ITGB5: variants seen among roughly 807,000 people sequenced by gnomAD.
ITGB5 encodes the protein integrin beta-5.
Under a neutral mutation model 84.8 loss-of-function variants are expected in ITGB5, and 38 were observed. The observed-to-expected ratio is 0.45, with a 90% CI of 0.35 to 0.59. The LOEUF is 0.59. ITGB5 is among the 20% of genes least tolerant of loss of function. The pLI is 0.01. For synonymous variants in ITGB5, 393 were observed against 414.4 expected (o/e 0.95, Z 0.63); for missense variants, 905 against 1,034.5 (o/e 0.87, Z 1.72).
At chr3:124,774,008 G>C in intron 10 of ITGB5, 96 bp from the exon 11 acceptor site, 1 of 1,138,366 alleles carries the variant, frequency 8.8e-7, no homozygotes, top group Admixed American at 2.0e-5. Context: ...GGATTCAGCA[G>C]AGAATGGAAC....
chr3:124,838,869 A>G (rs766111593), intron 5 of ITGB5, among the ~76,000 whole-genome samples: 1 of 152,180 alleles, frequency 6.6e-6, no homozygotes, highest in Non-Finnish European at 1.5e-5. Flanking sequence ...TCAAAGTGCT[A>G]GGATTACAGG....
rs1180560510 is a variant in ITGB5, at chr3:124,859,436, C to T, written c.167G>A (p.Ser56Asn). 3 of 1,613,728 alleles carry T rather than the reference C, an allele frequency of 1.9e-6. No homozygotes were observed. In the South Asian group the frequency reaches 3.3e-5, roughly 18 times the overall value. The change falls in exon 3 of 15, where the codon AGC becomes AAC. Residue 56 changes from serine to asparagine, a missense_variant. Around this residue, in one of 3 missense-constraint regions of ITGB5, gnomAD observed 656 missense variants for 734.7 expected, o/e 0.89. Transcript: ENST00000296181. ...ACACCGAGAGGTGATGGACCGTGGG[C>T]TTCCGAAGTCCTAGGCAGGGAAAAA... ...CAWCSKEDFGSPRSITSRCDL... is the reference protein window; with the variant it reads ...CAWCSKEDFGNPRSITSRCDL...
At chr3:124,858,824 T>C (rs848797) in intron 3 of ITGB5, among the ~76,000 whole-genome samples, 128,337 of 152,144 alleles carry the variant, frequency 0.84, 54,488 homozygotes, top group African/African-American at 0.95. Flanking sequence ...AGTAGAATGC[T>C]GGTTACCAGG....
chr3:124,861,481 C>CATATATATATATATATAT (rs771303161), intron 2 of ITGB5, among the ~76,000 whole-genome samples: 57 of 117,704 alleles, frequency 4.8e-4, no homozygotes, highest in Non-Finnish European at 8.4e-4. Context: ...CAAAACAAAA[C>CATATATATATATATATAT]ATATATATAT....
Position 124,824,885 on chromosome 3 carries a change from C to A in ITGB5, c.781-3411G>T, listed in dbSNP as rs539493801. ...TAGCAAACCAACAAACAAACTCTGACAGTATCAAGTGCTGATAAAAATGTG... is the reference window on the plus strand; with the variant it reads ...TAGCAAACCAACAAACAAACTCTGAAAGTATCAAGTGCTGATAAAAATGTG... On this transcript the variant is annotated intron_variant, in intron 5 of 14. Transcript: ENST00000296181. Among the ~76,000 whole-genome samples, 5 of 152,300 alleles carry A rather than the reference C, an allele frequency of 3.3e-5. No homozygotes were observed. The East Asian group carries it at 9.6e-4, about 29-fold the overall frequency.
chr3:124,858,765 T>C (rs539055153), intron 3 of ITGB5, among the ~76,000 whole-genome samples: 1 of 152,218 alleles, frequency 6.6e-6, no homozygotes, highest in East Asian at 1.9e-4. Context: ...AGTTGCTCCC[T>C]GATTTAAACA....
intron 2 of ITGB5, 112 bp from the exon 3 acceptor site, chr3:124,859,558 T>C: frequency 7.9e-6 from 6 of 756,638 alleles, no homozygotes; most frequent in South Asian, 1.8e-5. Context: ...CTACTTTCCA[T>C]TTTCATTGTC....
At chr3:124,802,778 C>T (rs1242658023) in intron 9 of ITGB5, among the ~76,000 whole-genome samples, 1 of 152,238 alleles carries the variant, frequency 6.6e-6, no homozygotes, top group Non-Finnish European at 1.5e-5. Flanking sequence ...CTCTTGTGAA[C>T]AGAATCATGT....
chr3:124,772,444 G>A (rs1010707686), intron 11 of ITGB5, among the ~76,000 whole-genome samples: 3 of 152,176 alleles, frequency 2.0e-5, no homozygotes, highest in African/African-American at 7.2e-5. Flanking sequence ...CAGGGAGCAT[G>A]AACTCATTTC....
intron 8 of ITGB5, among the ~76,000 whole-genome samples, chr3:124,810,710 C>T (rs1451471103): frequency 1.3e-5 from 2 of 152,084 alleles, no homozygotes; most frequent in African/African-American, 4.8e-5. Context: ...ATTCAGAGGT[C>T]ATATTTTACC....
At position 124,841,522 on chromosome 3, in the gene ITGB5, GA is replaced by G; in HGVS notation, c.640del (p.Ser214ProfsTer89). On this transcript the variant is annotated frameshift_variant, in exon 5 of 15. Transcript: ENST00000296181. LOFTEE classifies it high-confidence loss of function. The part of the protein sequence containing the change: ...GYKLFPNCVP[S>X]FGFRHLLPLT... Reference sequence around the variant, plus strand: ...AGGCAGCAGATGGCGGAACCCAAAGGAGGGGACGCAATTTGGAAACAACTTG... The same window carrying G: ...AGGCAGCAGATGGCGGAACCCAAAGGGGGGACGCAATTTGGAAACAACTTG... 6.2e-7 allele frequency: 1 copy of G among 1,613,922 alleles called. No individual in the cohort carries two copies. Among genetic ancestry groups the G allele is most frequent in the Non-Finnish European group, 8.5e-7 (1 of 1,179,948 alleles).
intron 1 of ITGB5, among the ~76,000 whole-genome samples, 182 bp downstream of exon 1, chr3:124,886,749 G>C (rs1211721695): frequency 6.6e-6 from 1 of 151,594 alleles, no homozygotes; most frequent in Admixed American, 6.6e-5. Context: ...ACGACAGCCC[G>C]GCGGGGCTGC....
chr3:124,831,693 G>A (rs2064862491), intron 5 of ITGB5, among the ~76,000 whole-genome samples: 1 of 152,186 alleles, frequency 6.6e-6, no homozygotes, highest in Non-Finnish European at 1.5e-5. Flanking sequence ...TAGGTTCTCT[G>A]ATCCCGAGGT....
At chr3:124,830,988 G>GAACAAC (rs367649477) in intron 5 of ITGB5, among the ~76,000 whole-genome samples, 11 of 151,790 alleles carry the variant, frequency 7.2e-5, no homozygotes, top group Admixed American at 5.9e-4. Flanking sequence ...CATCTCAAAC[G>GAACAAC]AACAACAACA....
chr3:124,778,289 G>A (rs1411371646), intron 10 of ITGB5, among the ~76,000 whole-genome samples: 3 of 152,234 alleles, frequency 2.0e-5, no homozygotes, highest in African/African-American at 7.2e-5. Context: ...TTGTAAATGT[G>A]TCTATTTATA....
chr3:124,900,347 T>A (rs902184669), intron 1 of ITGB5, among the ~76,000 whole-genome samples: 7 of 152,202 alleles, frequency 4.6e-5, no homozygotes, highest in Non-Finnish European at 7.4e-5. Context: ...AAGGGGTTAA[T>A]ATGTGTGAGG....
intron 13 of ITGB5, among the ~76,000 whole-genome samples, chr3:124,765,839 T>C (rs923665502): frequency 1.3e-5 from 2 of 152,098 alleles, no homozygotes; most frequent in East Asian, 3.9e-4. Flanking sequence ...GGTGGATTGT[T>C]TGAGCCCAGG....
chr3:124,813,192 C>T (rs1218573703), intron 8 of ITGB5, among the ~76,000 whole-genome samples: 1 of 152,226 alleles, frequency 6.6e-6, no homozygotes, highest in Non-Finnish European at 1.5e-5. Flanking sequence ...AAGCCCAGCC[C>T]AGCCTTTCCC....
intron 8 of ITGB5, 23 bp downstream of exon 8, chr3:124,817,598 G>A (rs1293967571): frequency 1.5e-6 from 2 of 1,322,118 alleles, no homozygotes; most frequent in Non-Finnish European, 2.1e-6. Context: ...AGGTGGCAGT[G>A]GGGGAAGAAA....
Sources: gnomAD v4.1 joint callset for allele counts (sites outside exome capture counted in the v4.1 genomes callset) on GRCh38, gnomAD v4.1.1 for gene constraint, gnomAD v4.1.1 regional missense constraint, MANE v1.5 for transcripts, NCBI Gene and HGNC (gene_info 2026-07-23, HGNC 2026-07-21) for gene names.